STOML1: variants seen among roughly 807,000 people sequenced by gnomAD.
The protein encoded by STOML1 is stomatin like 1, also known as stomatin-like protein 1.
Under a neutral mutation model 35.7 loss-of-function variants are expected in STOML1, and 27 were observed. That is an observed-to-expected ratio of 0.76 (90% confidence interval 0.56 to 1.04). STOML1 has a LOEUF of 1.04. STOML1 is among the 50% of genes least tolerant of loss of function. The pLI is 0.00. For synonymous variants in STOML1, 219 were observed against 227.9 expected, an observed-to-expected ratio of 0.96 and a Z score of 0.35; for missense variants, 451 against 527.1, an observed-to-expected ratio of 0.86 and a Z score of 1.41.
chr15:73,984,073 A>G lies in STOML1; in HGVS notation c.1061T>C (p.Met354Thr), dbSNP rs530583189. The G allele has an allele frequency of 3.7e-6, 6 of 1,613,992 alleles. No individual in the cohort carries two copies. In the Admixed American group the frequency reaches 1.0e-4, roughly 27 times the overall value. Residue 354 changes from methionine (M) to threonine (T), a missense_variant, in exon 7 of 7, where the codon ATG becomes ACG. Physicochemically the swap from Met to Thr is moderately conservative, Grantham distance 81. Transcript: ENST00000541638. ...CAGGGCCCGCAGGTCTGCCTCGGCC[A>G]TCTCCACCACCACATCAGGGATGCC... ...PDGIPDVVVE[M>T]AEADLRALLC...
Position 73,990,355 on chromosome 15 carries a change from A to C in STOML1, c.236T>G (p.Leu79Arg). The stretch of plus-strand genomic sequence containing the variant: ...GGCTGACCCAGCCAGCCTTACCTTC[A>C]GGGCAAACCAGCCAGAAATGGGGAA... ...VTFPISGWFA[L>R]KIVPTYERMI... Residue 79 changes from leucine to arginine, a missense_variant, in exon 2 of 7, where the codon CTG becomes CGG. Coordinates refer to ENST00000541638, the MANE Select transcript of STOML1 (RefSeq NM_004809.5). 1 of 1,614,034 alleles carries C rather than the reference A, an allele frequency of 6.2e-7. No individual in the cohort carries two copies. The highest frequency in any genetic ancestry group is 8.5e-7 in the Non-Finnish European group (1 of 1,179,936).
intron 5 of STOML1, 132 bp downstream of exon 5, chr15:73,985,186 C>T (rs1326959046): frequency 1.4e-5 from 16 of 1,175,190 alleles, no homozygotes; most frequent in Non-Finnish European, 4.7e-6. Flanking sequence ...CTCTCACTGC[C>T]TTGGCTGTGG....
chr15:73,992,376 G>T, upstream of STOML1: 9 of 822,522 alleles, frequency 1.1e-5, no homozygotes, highest in South Asian at 3.5e-4. Flanking sequence ...GCCGGCCGGG[G>T]CCCGCTTCCG....
chr15:73,983,028 TCC>T lies in STOML1; in HGVS notation c.*907_*908del, dbSNP rs2068980185. 2 of 151,738 alleles carry T rather than the reference TCC, an allele frequency of 1.3e-5. No individual in the cohort carries two copies. Among genetic ancestry groups the T allele is most frequent in the African/African-American group, 4.8e-5 (2 of 41,304 alleles). 9.4% of individuals were successfully genotyped at this position (151,738 alleles called of 1,614,324 possible). A position where few individuals can be genotyped will look rare whatever the true frequency, so the allele number is the denominator to read the frequency against. On this transcript the variant is annotated 3_prime_UTR_variant, in exon 7 of 7. Coordinates refer to ENST00000541638, the MANE Select transcript of STOML1 (RefSeq NM_004809.5). ...ATCCCACTACAAAGAGGAACAGAAC[TCC>T]CCACCCAGCCCCACCCTTGCTTCCA...
chr15:73,987,807 G>A (rs1462962878), intron 4 of STOML1: 1 of 152,274 alleles, frequency 6.6e-6, no homozygotes. Flanking sequence ...AAGCACGTAA[G>A]AGCTACTGTT....
At position 73,988,812 on chromosome 15, in the gene STOML1, G is replaced by A. The variant is rs772423802; in HGVS notation, c.391-10C>T. The A allele has an allele frequency of 1.6e-5, 26 of 1,605,268 alleles. No individual in the cohort carries two copies. Among genetic ancestry groups the A allele is most frequent in the Non-Finnish European group, 2.1e-5 (25 of 1,172,790 alleles). The stretch of plus-strand genomic sequence containing the variant: ...CGTCCTTAGAGGCCAGCTGTTGGGG[G>A]AGGCCATGAGAGAGAGACACTCAAG... On this transcript the variant is annotated splice_polypyrimidine_tract_variant and intron_variant, in intron 3 of 6. Transcript: ENST00000541638. This position sits in a 1 kb window ranked among gnomAD's most constrained non-coding sequence, Gnocchi z 4.8.
Position 73,992,084 on chromosome 15 carries a change from C to A in STOML1, c.133+7G>T. The A allele has an allele frequency of 6.3e-7, 1 of 1,576,986 alleles. No individual in the cohort carries two copies. The highest frequency in any genetic ancestry group is 1.9e-5 in the Admixed American group (1 of 52,820). On this transcript the variant is annotated splice_region_variant and intron_variant, in intron 1 of 6. Coordinates refer to ENST00000541638, the MANE Select transcript of STOML1 (RefSeq NM_004809.5). ...CCCCGGCTCCGCCGTGCCAGGCGGC[C>A]ACTCACCGGCCCCTGTCCCCACGCC...
Position 73,985,368 on chromosome 15 carries a change from A to G in STOML1, c.740T>C (p.Leu247Pro), listed in dbSNP as rs768433983. 181 of 1,559,916 alleles carry G rather than the reference A, an allele frequency of 1.2e-4. No individual in the cohort carries two copies. The highest frequency in any genetic ancestry group is 1.5e-4 in the Non-Finnish European group (176 of 1,158,908). The part of the protein sequence containing the change: ...STLQQLALHF[L>P]GGSMNSMAGG... Reference sequence around the variant, plus strand: ...TGCCATTGAGTTCATGCTTCCTCCCAGGAAGTGCAGGGCCAGCTGCTGGAG... The same window carrying G: ...TGCCATTGAGTTCATGCTTCCTCCCGGGAAGTGCAGGGCCAGCTGCTGGAG... The change falls in exon 5 of 7, where the codon CTG (leucine) becomes CCG (proline). Residue 247 changes from leucine (L) to proline (P), a missense_variant. Coordinates refer to ENST00000541638, the MANE Select transcript of STOML1 (RefSeq NM_004809.5).
chr15:73,992,164 C>T lies in STOML1; in HGVS notation c.60G>A (p.Gln20=). 1.2e-6 allele frequency: 2 copies of T among 1,609,154 alleles called. No homozygotes were observed. Among genetic ancestry groups the T allele is most frequent in the Non-Finnish European group, 8.5e-7 (1 of 1,178,244 alleles). Residue 20 remains glutamine, a synonymous_variant, in exon 1 of 7, where the codon CAG becomes CAA. Transcript: ENST00000541638. ...LPLGDFDRFQ[Q]SSFGFLGSQK... ...GCGAGCCCAGAAAGCCGAAGCTCGA[C>T]TGCTGGAAGCGGTCAAAATCACCCA...
In STOML1 at chr15:73,988,840, G is replaced by T. The variant is rs2069176449; in HGVS notation, c.391-38C>A. 1.3e-6 allele frequency: 2 copies of T among 1,592,684 alleles called. No homozygotes were observed. Among genetic ancestry groups the T allele is most frequent in the East Asian group, 2.2e-5 (1 of 44,478 alleles). Reference sequence around the variant, plus strand: ...GCCATGAGAGAGAGACACTCAAGGGGCTGGGGGTGCAGGGAGGTCAGGCCC... The same window carrying T: ...GCCATGAGAGAGAGACACTCAAGGGTCTGGGGGTGCAGGGAGGTCAGGCCC... On this transcript the variant is annotated intron_variant, in intron 3 of 6. Transcript: ENST00000541638. The surrounding 1 kb of genome is among the most constrained non-coding windows in gnomAD (Gnocchi z 4.8).
rs754475342 is a variant in STOML1, at chr15:73,992,254, C to G, written c.-31G>C. 34 of 1,576,846 alleles carry G rather than the reference C, an allele frequency of 2.2e-5. No individual in the cohort carries two copies. The Admixed American group carries it at 5.9e-4, about 27-fold the overall frequency. ...TTGACAGGAGACACGCCCCGCGCCT[C>G]CGCGCGGCGCCCTCCCTGGCCAGTG... On this transcript the variant is annotated 5_prime_UTR_variant, in exon 1 of 7. Coordinates refer to ENST00000541638, the MANE Select transcript of STOML1 (RefSeq NM_004809.5).
At position 73,984,731 on chromosome 15, in the gene STOML1, C is replaced by T. The variant is rs776326716; in HGVS notation, c.931G>A (p.Gly311Arg). The T allele has an allele frequency of 3.3e-5, 54 of 1,613,978 alleles. No homozygotes were observed. The highest frequency in any genetic ancestry group is 4.0e-5 in the African/African-American group (3 of 74,942). Residue 311 changes from glycine to arginine, a missense_variant, in exon 6 of 7, where the codon GGG becomes AGG. Transcript: ENST00000541638. The stretch of plus-strand genomic sequence containing the variant: ...ACGACATTGAACTGGTAGCAGGCCC[C>T]GACTTGGCTGACCAGGGCCTCAGAC... ...FLSEALVSQV[G>R]ACYQFNVVLP...
rs1006975973 is a variant in STOML1, at chr15:73,992,267, T to A, written c.-44A>T. ...CGCCCCGCGCCTCCGCGCGGCGCCC[T>A]CCCTGGCCAGTGGGCCCTACGCGGC... is the stretch of plus-strand genomic sequence containing the variant. On this transcript the variant is annotated 5_prime_UTR_variant, in exon 1 of 7. Coordinates refer to ENST00000541638, the MANE Select transcript of STOML1 (RefSeq NM_004809.5). 6 of 1,564,236 alleles carry A rather than the reference T, an allele frequency of 3.8e-6. No homozygotes were observed. The highest frequency in any genetic ancestry group is 5.2e-6 in the Non-Finnish European group (6 of 1,161,366).
rs2068974357 is a variant in STOML1 at position 73,982,645 on chromosome 15, G to A, written c.*1292C>T. On this transcript the variant is annotated 3_prime_UTR_variant, in exon 7 of 7. Coordinates refer to ENST00000541638, the MANE Select transcript of STOML1 (RefSeq NM_004809.5). ...AGTTGCGGTGCCACAGGACAGGCTG[G>A]GGGCTGTTCTTAAGGGGAGGCTTTG... 1 of 152,524 alleles carries A rather than the reference G, an allele frequency of 6.6e-6. No individual in the cohort carries two copies. 9.4% of individuals were successfully genotyped at this position (152,524 alleles called of 1,614,324 possible).
At chr15:73,993,943 C>G (rs2069361194), upstream of STOML1, among the ~76,000 whole-genome samples, 1 of 151,946 alleles carries the variant, frequency 6.6e-6, no homozygotes, top group Non-Finnish European at 1.5e-5. Flanking sequence ...CATCCTGCTC[C>G]CTCACCTCCA....
rs756643614 is a variant in STOML1 at position 73,983,652 on chromosome 15, A to G, written c.*285T>C. 5.1e-5 allele frequency: 18 copies of G among 356,190 alleles called. No homozygotes were observed. The highest frequency in any genetic ancestry group is 8.7e-5 in the Non-Finnish European group (17 of 195,924). The allele number at this position is 356,190 out of a possible 1,614,324, so 22.1% of individuals were successfully genotyped here. A position where few individuals can be genotyped will look rare whatever the true frequency, so the allele number is the denominator to read the frequency against. ...AGTCAGGAAGCCAGCAGGGCAGGGCAGGCCTGGCTCTCCTCCTGGAATCAC... is the reference window on the plus strand; with the variant it reads ...AGTCAGGAAGCCAGCAGGGCAGGGCGGGCCTGGCTCTCCTCCTGGAATCAC... On this transcript the variant is annotated 3_prime_UTR_variant, in exon 7 of 7. Transcript: ENST00000541638.
chr15:73,991,785 C>A, intron 1 of STOML1: 5 of 576,472 alleles, frequency 8.7e-6, no homozygotes, highest in Non-Finnish European at 1.6e-5. Context: ...GAAATAGAAA[C>A]CTGAAACGTC....
In STOML1 at chr15:73,992,111, C is replaced by T. The variant is rs369412490; in HGVS notation, c.113G>A (p.Gly38Asp). ...SQKGCLSPERGGVGTGADVPQ... is the reference protein window; with the variant it reads ...SQKGCLSPERDGVGTGADVPQ... ...CTCACCGGCCCCTGTCCCCACGCCG[C>T]CCCGCTCCGGGGACAAGCAGCCCTT... The change falls in exon 1 of 7, where the codon GGC (glycine) becomes GAC (aspartate). Residue 38 changes from glycine (G) to aspartate (D), a missense_variant. Physicochemically the swap from Gly to Asp is moderately conservative, Grantham distance 94. Transcript: ENST00000541638. The T allele has an allele frequency of 6.2e-5, 100 of 1,600,050 alleles. No homozygotes were observed. Among genetic ancestry groups the T allele is most frequent in the Non-Finnish European group, 8.3e-5 (98 of 1,174,688 alleles).
chr15:73,990,777 G>A, intron 1 of STOML1: 2 of 1,525,218 alleles, frequency 1.3e-6, no homozygotes, highest in Non-Finnish European at 1.8e-6. Flanking sequence ...CTGAGTAGGG[G>A]TCAATCCTCT....
Sources: allele counts gnomAD v4.1 joint callset (sites outside exome capture counted in the v4.1 genomes callset), GRCh38; gene constraint gnomAD v4.1.1; non-coding constraint Gnocchi (gnomAD v3.1); transcripts MANE v1.5; gene names NCBI Gene and HGNC (gene_info 2026-07-23, HGNC 2026-07-21).